The following KLF17 variants were observed in gnomAD, a reference collection of about 807,000 sequenced individuals.
KLF17 encodes the protein Krueppel-like factor 17.
In KLF17, 31 loss-of-function variants were observed where a neutral mutation model predicts 34.2. That is an observed-to-expected ratio of 0.91 (90% CI 0.68 to 1.22). KLF17 has a LOEUF of 1.22. Among genes scored for constraint, KLF17 ranks in the 50% most tolerant of loss-of-function variants. KLF17 has a pLI of 0.00. For missense variants in KLF17, 478 were observed against 505.2 expected (o/e 0.95, Z 0.52); for synonymous variants, 179 against 186.7 (o/e 0.96, Z 0.34).
At chr1:44,059,629 A>T in the KLF17 span, among the ~76,000 whole-genome samples, 1 of 152,044 alleles carries the variant, frequency 6.6e-6, no homozygotes, top group Admixed American at 6.5e-5. Context: ...TCTCCTCCTG[A>T]TTCCCCTCCG....
rs1454636692 is a variant in KLF17 at position 44,129,933 on chromosome 1, G to T, written c.662G>T (p.Gly221Val). The change falls in exon 2 of 4, where the codon GGG (glycine) becomes GTG (valine). Residue 221 changes from glycine (G) to valine (V), a missense_variant. Coordinates refer to ENST00000372299, the MANE Select transcript of KLF17 (RefSeq NM_173484.4). ...CCCCCGCAAGATGCCCATGACCTTG[G>T]GATGCCCCCAGCTGAGTCCCAGTCA... ...MLPPQDAHDL[G>V]MPPAESQSLL... 1 of 1,614,150 alleles carries T rather than the reference G, an allele frequency of 6.2e-7. No homozygotes were observed. Among genetic ancestry groups the T allele is most frequent in the Admixed American group, 1.7e-5 (1 of 60,018 alleles).
chr1:44,050,408 C>A, the KLF17 span, among the ~76,000 whole-genome samples: 9 of 152,326 alleles, frequency 5.9e-5, 1 homozygote, highest in Admixed American at 3.9e-4. Flanking sequence ...TGGATACCAC[C>A]CCTTTCTATG....
chr1:44,127,559 ACTC>A (rs1327442145), intron 1 of KLF17, among the ~76,000 whole-genome samples: 1 of 128,370 alleles, frequency 7.8e-6, no homozygotes, highest in African/African-American at 3.0e-5. Flanking sequence ...CCTTCCTTGA[ACTC>A]CTGACCTCAA....
chr1:44,103,702 C>G, the KLF17 span: 1 of 1,582,506 alleles, frequency 6.3e-7, no homozygotes, highest in Non-Finnish European at 8.7e-7. Context: ...GGCTGGAGGG[C>G]GGCCTCCAGC....
At position 44,118,944 on chromosome 1, in the gene KLF17, G is replaced by A. The variant is rs895680201; in HGVS notation, c.37G>A (p.Ala13Thr). Residue 13 changes from alanine to threonine, a missense_variant, in exon 1 of 4, where the codon GCT (alanine) becomes ACT (threonine). Coordinates refer to ENST00000372299, the MANE Select transcript of KLF17 (RefSeq NM_173484.4). Reference sequence around the variant, plus strand: ...ACCGCAGGCTGAGATGGAACAGGAGGCTGGGGAGCTGAGCCGGTGGCAGGC... The same window carrying A: ...ACCGCAGGCTGAGATGGAACAGGAGACTGGGGAGCTGAGCCGGTGGCAGGC... ...GRPQAEMEQEAGELSRWQAAH... is the reference protein window; with the variant it reads ...GRPQAEMEQETGELSRWQAAH... The A allele has an allele frequency of 6.2e-7, 1 of 1,612,410 alleles. No homozygotes were observed. Among genetic ancestry groups the A allele is most frequent in the East Asian group, 2.2e-5 (1 of 44,810 alleles).
At chr1:44,083,281 G>GTT in the KLF17 span, among the ~76,000 whole-genome samples, 45 of 143,434 alleles carry the variant, frequency 3.1e-4, no homozygotes, top group Middle Eastern at 3.6e-3. Flanking sequence ...ATTGAGTAGG[G>GTT]TTTTTTTTTT....
chr1:44,103,554 A>G, the KLF17 span: 3 of 1,484,772 alleles, frequency 2.0e-6, no homozygotes, highest in Admixed American at 5.0e-5. Flanking sequence ...CCTGTTCTGC[A>G]TCCCAGACTC....
In KLF17 at chr1:44,118,879, G is replaced by C; in HGVS notation, c.-29G>C. The stretch of plus-strand genomic sequence containing the variant: ...TGGTGGCTGGTTCCCTGTCTCTTCA[G>C]TAGAGAGTCTAGACCCCACCCAGTC... On this transcript the variant is annotated 5_prime_UTR_variant, in exon 1 of 4. Coordinates refer to ENST00000372299, the MANE Select transcript of KLF17 (RefSeq NM_173484.4). 6.3e-7 allele frequency: 1 copy of C among 1,581,990 alleles called. No homozygotes were observed. The highest frequency in any genetic ancestry group is 8.6e-7 in the Non-Finnish European group (1 of 1,162,912).
At chr1:44,120,846 T>A (rs1229895295) in intron 1 of KLF17, among the ~76,000 whole-genome samples, 2 of 152,098 alleles carry the variant, frequency 1.3e-5, no homozygotes, top group East Asian at 3.9e-4. Flanking sequence ...AGGCTGGGCA[T>A]GGTGGCTCAC....
the KLF17 span, among the ~76,000 whole-genome samples, chr1:44,082,112 T>C: frequency 6.6e-6 from 1 of 152,152 alleles, no homozygotes; most frequent in East Asian, 1.9e-4. Context: ...CTAGAAGTGG[T>C]GCATAACCAG....
At chr1:44,124,402 T>C (rs942694004) in intron 1 of KLF17, among the ~76,000 whole-genome samples, 1 of 151,784 alleles carries the variant, frequency 6.6e-6, no homozygotes, top group Admixed American at 6.6e-5. Flanking sequence ...GGATCTCAGC[T>C]GACTGCAACC....
At chr1:44,108,904 T>C in the KLF17 span, among the ~76,000 whole-genome samples, 1 of 152,054 alleles carries the variant, frequency 6.6e-6, no homozygotes, top group East Asian at 1.9e-4. Flanking sequence ...TGACCTCAGG[T>C]GATCTGCCCG....
At chr1:44,080,457 C>T in the KLF17 span, among the ~76,000 whole-genome samples, 1 of 149,690 alleles carries the variant, frequency 6.7e-6, no homozygotes. Flanking sequence ...CCAGTATGGT[C>T]TCCATCTCCT....
chr1:44,082,939 C>CT, the KLF17 span, among the ~76,000 whole-genome samples: 2,246 of 129,618 alleles, frequency 0.017, 27 homozygotes, highest in Middle Eastern at 0.027. Flanking sequence ...TGTCTTTAAA[C>CT]TTTTTTTTTT....
the KLF17 span, chr1:44,045,990 T>C: frequency 2.6e-5 from 4 of 152,132 alleles, no homozygotes; most frequent in African/African-American, 4.8e-5. Flanking sequence ...ACAATCATTG[T>C]CACCCAGTCT....
chr1:44,117,807 G>A (rs2087897657), upstream of KLF17, among the ~76,000 whole-genome samples: 1 of 152,106 alleles, frequency 6.6e-6, no homozygotes, highest in Non-Finnish European at 1.5e-5. Context: ...ATCTCCTTTA[G>A]ATTTCTAACT....
chr1:44,057,530 A>T, the KLF17 span, among the ~76,000 whole-genome samples: 1 of 152,204 alleles, frequency 6.6e-6, no homozygotes, highest in African/African-American at 2.4e-5. Context: ...AGGAAACACC[A>T]GTATTCCCAT....
At chr1:44,065,473 G>A in the KLF17 span, among the ~76,000 whole-genome samples, 1 of 135,128 alleles carries the variant, frequency 7.4e-6, no homozygotes, top group Non-Finnish European at 1.5e-5. Context: ...GCAGTGGTGT[G>A]ATGTAGGCTC....
the KLF17 span, among the ~76,000 whole-genome samples, chr1:44,090,195 T>C: frequency 2.7e-5 from 4 of 147,690 alleles, no homozygotes; most frequent in Non-Finnish European, 4.5e-5. Context: ...TATATGGCCC[T>C]TTTAAGAAAA....
Sources: gnomAD v4.1 joint callset for allele counts (sites outside exome capture counted in the v4.1 genomes callset) on GRCh38, gnomAD v4.1.1 for gene constraint, MANE v1.5 for transcripts, NCBI Gene and HGNC (gene_info 2026-07-23, HGNC 2026-07-21) for gene names.